Variants in COL11A1 observed in about 807,000 individuals in gnomAD.
The protein encoded by COL11A1 is collagen type XI alpha 1 chain, also known as collagen alpha-1(XI) chain.
COL11A1 carries 74 observed loss-of-function variants against 265.2 expected under a neutral mutation model. That is an observed-to-expected ratio of 0.28 (90% CI 0.23 to 0.34). The LOEUF (loss-of-function observed/expected upper bound fraction) is 0.34, where lower values mean the gene tolerates loss of function less well. Ranked by LOEUF, COL11A1 falls within the 10% of genes least tolerant of loss-of-function variation. COL11A1 has a pLI of 1.00. For missense variants in COL11A1, 2,165 were observed against 2,263.6 expected, an observed-to-expected ratio of 0.96 and a Z score of 0.88; for synonymous variants, 816 against 727.6, an observed-to-expected ratio of 1.12 and a Z score of -1.96.
chr1:102,930,245 T>C (rs1178315175), intron 46 of COL11A1, among the ~76,000 whole-genome samples: 1 of 151,782 alleles, frequency 6.6e-6, no homozygotes, highest in Non-Finnish European at 1.5e-5. Context: ...AGATAGCTCT[T>C]ATTATTTTGA....
chr1:103,073,268 CT>C (rs1671721024), intron 4 of COL11A1, among the ~76,000 whole-genome samples: 1 of 151,774 alleles, frequency 6.6e-6, no homozygotes, highest in Non-Finnish European at 1.5e-5. Context: ...TGATACTGTG[CT>C]TTTGTCTTAC....
rs1671845303 is a variant in COL11A1, at chr1:103,074,782, TA to T, written c.489-3del. ...ACGCTGATTGCTACCCGATGCCACCTAAAAAAGACAAGTAATTCTTTTGTAA... is the reference window on the plus strand; with the variant it reads ...ACGCTGATTGCTACCCGATGCCACCTAAAAAGACAAGTAATTCTTTTGTAA... On this transcript the variant is annotated splice_polypyrimidine_tract_variant and splice_region_variant and intron_variant, in intron 3 of 66. Coordinates refer to ENST00000370096, the MANE Select transcript of COL11A1 (RefSeq NM_001854.4). 6.2e-7 allele frequency: 1 copy of T among 1,613,010 alleles called. No homozygotes were observed. The highest frequency in any genetic ancestry group is 8.5e-7 in the Non-Finnish European group (1 of 1,179,432).
At chr1:103,061,581 T>C (rs1670679114) in intron 4 of COL11A1, among the ~76,000 whole-genome samples, 1 of 151,784 alleles carries the variant, frequency 6.6e-6, no homozygotes, top group African/African-American at 2.4e-5. Context: ...AACTGGGAAA[T>C]CCCAAAATAA....
chr1:102,932,123 G>A (rs547625973), intron 46 of COL11A1, among the ~76,000 whole-genome samples: 1 of 150,938 alleles, frequency 6.6e-6, no homozygotes, highest in African/African-American at 2.4e-5. Flanking sequence ...GTGTGAATTT[G>A]ATCCTGTCAT....
At chr1:102,912,766 GT>G (rs1654840378) in intron 53 of COL11A1, among the ~76,000 whole-genome samples, 1 of 152,096 alleles carries the variant, frequency 6.6e-6, no homozygotes. Flanking sequence ...CTCACATTCT[GT>G]TCTTGTGATA....
chr1:103,050,648 C>T (rs983566440), intron 4 of COL11A1, among the ~76,000 whole-genome samples: 1 of 152,168 alleles, frequency 6.6e-6, no homozygotes, highest in Non-Finnish European at 1.5e-5. Flanking sequence ...TGGTGAGGAG[C>T]TGTGTTCCTT....
chr1:102,982,087 G>C (rs1663095866), intron 31 of COL11A1, among the ~76,000 whole-genome samples: 1 of 151,796 alleles, frequency 6.6e-6, no homozygotes, highest in Non-Finnish European at 1.5e-5. Flanking sequence ...TTTTAGAACA[G>C]AGAAACTTTA....
intron 41 of COL11A1, among the ~76,000 whole-genome samples, chr1:102,958,646 C>G (rs371352859): frequency 6.6e-6 from 1 of 152,136 alleles, no homozygotes; most frequent in African/African-American, 2.4e-5. Flanking sequence ...TTTAGTGAAT[C>G]CTTTTCCAAC....
At chr1:103,023,381 T>A (rs1036710984) in intron 7 of COL11A1, among the ~76,000 whole-genome samples, 6 of 151,936 alleles carry the variant, frequency 3.9e-5, no homozygotes, top group Non-Finnish European at 8.8e-5. Flanking sequence ...TTTTTTTTTT[T>A]TGAGATGGAT....
intron 1 of COL11A1, among the ~76,000 whole-genome samples, chr1:103,083,177 T>C (rs1423724521): frequency 2.0e-5 from 3 of 151,826 alleles, no homozygotes; most frequent in Non-Finnish European, 2.9e-5. Flanking sequence ...ATTCAAAATA[T>C]CTCAAATCTG....
At chr1:102,906,699 CTG>C (rs1654024717) in intron 54 of COL11A1, among the ~76,000 whole-genome samples, 1 of 151,794 alleles carries the variant, frequency 6.6e-6, no homozygotes, top group Non-Finnish European at 1.5e-5. Context: ...TGCACTTGAC[CTG>C]TGTTTCCATT....
intron 14 of COL11A1, among the ~76,000 whole-genome samples, chr1:103,010,940 T>C (rs1478503193): frequency 1.3e-5 from 2 of 152,156 alleles, no homozygotes; most frequent in Admixed American, 1.3e-4. Flanking sequence ...CCTTAGGTGA[T>C]CCGCCCGCCT....
intron 57 of COL11A1, among the ~76,000 whole-genome samples, chr1:102,894,202 C>A (rs972704512): frequency 6.6e-6 from 1 of 152,100 alleles, no homozygotes; most frequent in African/African-American, 2.4e-5. Flanking sequence ...GACTTTGTAT[C>A]AGAGGGTAGA....
chr1:103,014,454 T>C (rs1666392124), intron 13 of COL11A1, 57 bp downstream of exon 13: 5 of 1,356,026 alleles, frequency 3.7e-6, no homozygotes, highest in Non-Finnish European at 5.3e-6. Context: ...TGTACACACA[T>C]ATATACTTGA....
chr1:103,016,246 G>A (rs1040389161), intron 11 of COL11A1, among the ~76,000 whole-genome samples: 1 of 150,168 alleles, frequency 6.7e-6, no homozygotes, highest in Admixed American at 6.7e-5. Flanking sequence ...ATCTTCAAGA[G>A]AGATACTTTT....
At position 103,001,910 on chromosome 1, in the gene COL11A1, A is replaced by G; in HGVS notation, c.2142+15T>C. 6.2e-7 allele frequency: 1 copy of G among 1,612,758 alleles called. No homozygotes were observed. Among genetic ancestry groups the G allele is most frequent in the Non-Finnish European group, 8.5e-7 (1 of 1,178,794 alleles). The stretch of plus-strand genomic sequence containing the variant: ...CATGTTCACCAGGCTTTACGAGAAC[A>G]ACAGAGTAACTTACTTTTTCACCAG... On this transcript the variant is annotated intron_variant, in intron 24 of 66. Transcript: ENST00000370096.
intron 3 of COL11A1, among the ~76,000 whole-genome samples, chr1:103,075,236 AC>A (rs1671885844): frequency 1.3e-5 from 2 of 152,324 alleles, no homozygotes; most frequent in African/African-American, 4.8e-5. Context: ...GGGTATGTCT[AC>A]TAATTGAATG....
At chr1:103,060,692 C>A (rs377560098) in intron 4 of COL11A1, among the ~76,000 whole-genome samples, 1 of 151,870 alleles carries the variant, frequency 6.6e-6, no homozygotes, top group Non-Finnish European at 1.5e-5. Flanking sequence ...CCAGGTGAGG[C>A]GGCACATGCA....
chr1:102,905,391 T>TA (rs540295404), intron 54 of COL11A1, among the ~76,000 whole-genome samples: 641 of 126,582 alleles, frequency 5.1e-3, no homozygotes, highest in Middle Eastern at 8.5e-3. Flanking sequence ...AAATAAAAAT[T>TA]AAAAAAAAAG....
Sources: allele counts gnomAD v4.1 joint callset (sites outside exome capture counted in the v4.1 genomes callset), GRCh38; gene constraint gnomAD v4.1.1; transcripts MANE v1.5; gene names NCBI Gene and HGNC (gene_info 2026-07-23, HGNC 2026-07-21).